The following JAK1 variants were observed in gnomAD, a reference collection of about 807,000 sequenced individuals.
JAK1 encodes the protein Janus kinase 1.
In JAK1, 16 loss-of-function variants were observed where a neutral mutation model predicts 136.6. The ratio of observed to expected loss-of-function variants is 0.12; its 90% CI spans 0.08 to 0.18. JAK1 has a LOEUF of 0.18. Ranked by LOEUF, JAK1 falls within the 10% of genes least tolerant of loss-of-function variation. JAK1 has a pLI of 1.00. For synonymous variants in JAK1, 492 were observed against 519.5 expected, an observed-to-expected ratio of 0.95 and a Z score of 0.72; for missense variants, 859 against 1,450.1, an observed-to-expected ratio of 0.59 and a Z score of 6.62.
At chr1:65,032,483 A>C (rs1396899965) in intron 2 of JAK1, among the ~76,000 whole-genome samples, 1 of 152,170 alleles carries the variant, frequency 6.6e-6, no homozygotes, top group Admixed American at 6.6e-5. Flanking sequence ...CAATTTCGTA[A>C]ATGGAAACAC....
intron 1 of JAK1, among the ~76,000 whole-genome samples, chr1:65,061,152 C>T (rs1647774866): frequency 6.6e-6 from 1 of 152,188 alleles, no homozygotes; most frequent in South Asian, 2.1e-4. Context: ...GGCATGGTGG[C>T]TCACACCTGT....
At chr1:64,943,036 A>T (rs527635162) in intron 1 of JAK1, among the ~76,000 whole-genome samples, 2 of 152,350 alleles carry the variant, frequency 1.3e-5, no homozygotes, top group East Asian at 3.9e-4. Flanking sequence ...TATTATTTAC[A>T]ATTAGGCCCT....
chr1:65,024,154 CTA>C (rs1253211727), intron 2 of JAK1, among the ~76,000 whole-genome samples: 1 of 152,064 alleles, frequency 6.6e-6, no homozygotes, highest in East Asian at 1.9e-4. Context: ...GCTGGTAACT[CTA>C]TGTTTAATCA....
At chr1:65,065,765 T>A (rs1299744719) in intron 1 of JAK1, among the ~76,000 whole-genome samples, 1 of 150,144 alleles carries the variant, frequency 6.7e-6, no homozygotes, top group Non-Finnish European at 1.5e-5. Context: ...TGCTTAGGCC[T>A]GGCTCTGGGT....
intron 1 of JAK1, among the ~76,000 whole-genome samples, chr1:65,064,524 G>C (rs1397906223): frequency 6.6e-6 from 1 of 152,192 alleles, no homozygotes; most frequent in Non-Finnish European, 1.5e-5. Context: ...AAAAGACTGA[G>C]TATTTTAGCT....
intron 2 of JAK1, among the ~76,000 whole-genome samples, chr1:65,044,012 G>A (rs1482922456): frequency 3.3e-5 from 5 of 151,922 alleles, no homozygotes; most frequent in African/African-American, 4.8e-5. Context: ...GTGAGTCACC[G>A]CACCTGGCTG....
chr1:65,022,306 T>A (rs1766963), intron 2 of JAK1, among the ~76,000 whole-genome samples: 9,498 of 152,286 alleles, frequency 0.062, 703 homozygotes, highest in East Asian at 0.39. Context: ...GCCATTTTTT[T>A]ATTTTTTTAT....
chr1:64,934,789 C>A (rs758543713), intron 1 of JAK1, among the ~76,000 whole-genome samples: 5 of 152,200 alleles, frequency 3.3e-5, no homozygotes, highest in Non-Finnish European at 7.3e-5. Context: ...CCTTAGCTTA[C>A]ATTGTATTGT....
intron 2 of JAK1, among the ~76,000 whole-genome samples, chr1:65,033,373 A>G (rs935988791): frequency 2.0e-5 from 3 of 152,070 alleles, no homozygotes; most frequent in African/African-American, 7.2e-5. Context: ...TTTTTGTAGA[A>G]ATGGAGTCTC....
chr1:64,950,078 A>G (rs966940198), intron 1 of JAK1, among the ~76,000 whole-genome samples: 1 of 152,224 alleles, frequency 6.6e-6, no homozygotes, highest in African/African-American at 2.4e-5. Flanking sequence ...CTAGAAAAGA[A>G]TAAGTAAAAA....
intron 1 of JAK1, among the ~76,000 whole-genome samples, chr1:64,907,450 C>A (rs1460349576): frequency 6.6e-6 from 1 of 152,138 alleles, no homozygotes; most frequent in Non-Finnish European, 1.5e-5. Flanking sequence ...TAAATCCTTT[C>A]ACCTCCCTGA....
chr1:64,841,183 A>G (rs1055148667), intron 19 of JAK1, 62 bp downstream of exon 19: 1 of 1,160,600 alleles, frequency 8.6e-7, no homozygotes, highest in South Asian at 1.2e-5. Flanking sequence ...ACGTGCAGAG[A>G]GTGGCGCTGT....
chr1:65,022,742 C>A (rs567398771), intron 2 of JAK1, among the ~76,000 whole-genome samples: 40 of 152,194 alleles, frequency 2.6e-4, no homozygotes, highest in Admixed American at 1.5e-3. Flanking sequence ...GGAGGAGAAC[C>A]AACTTCATAC....
chr1:64,895,283 G>A (rs1243164124), intron 1 of JAK1, among the ~76,000 whole-genome samples: 1 of 152,086 alleles, frequency 6.6e-6, no homozygotes, highest in Non-Finnish European at 1.5e-5. Context: ...TCCTTACTAT[G>A]TGCCATTCCC....
chr1:64,841,414 C>T (rs1570613424), intron 18 of JAK1, 37 bp downstream of exon 18: 2 of 1,613,968 alleles, frequency 1.2e-6, no homozygotes. Flanking sequence ...CCTGTTTCTC[C>T]CCAAGCTGGG....
chr1:64,948,241 A>C (rs1213451650), intron 1 of JAK1, among the ~76,000 whole-genome samples: 1 of 152,214 alleles, frequency 6.6e-6, no homozygotes, highest in Non-Finnish European at 1.5e-5. Context: ...AGGTATACTG[A>C]CTCTCGTATG....
intron 1 of JAK1, among the ~76,000 whole-genome samples, chr1:65,066,414 A>G (rs1308639244): frequency 2.6e-5 from 4 of 152,340 alleles, no homozygotes; most frequent in Non-Finnish European, 4.4e-5. Flanking sequence ...GCTGATGGAA[A>G]TAAACAGGTG....
At chr1:65,045,135 A>T (rs1647172855) in intron 1 of JAK1, among the ~76,000 whole-genome samples, 1 of 152,208 alleles carries the variant, frequency 6.6e-6, no homozygotes, top group Non-Finnish European at 1.5e-5. Context: ...TGTCACACTC[A>T]CCATGAGTTC....
chr1:65,032,556 C>T (rs1647033240), intron 2 of JAK1, among the ~76,000 whole-genome samples: 1 of 152,066 alleles, frequency 6.6e-6, no homozygotes, highest in African/African-American at 2.4e-5. Flanking sequence ...ACAATGAATC[C>T]ACTCAAAATA....
Sources: gnomAD v4.1 joint callset for allele counts (sites outside exome capture counted in the v4.1 genomes callset) on GRCh38, gnomAD v4.1.1 for gene constraint, MANE v1.5 for transcripts, NCBI Gene and HGNC (gene_info 2026-07-23, HGNC 2026-07-21) for gene names.